Variants in IL31RA observed in about 807,000 individuals in gnomAD.
IL31RA encodes the protein interleukin-31 receptor subunit alpha.
In IL31RA, 66 loss-of-function variants were observed where a neutral mutation model predicts 83.7. That is an observed-to-expected ratio of 0.79 (90% CI 0.65 to 0.97). The LOEUF is 0.97. Ranked by LOEUF, IL31RA falls within the 50% of genes least tolerant of loss-of-function variation. The pLI, the probability that IL31RA is intolerant of heterozygous loss-of-function variation, is 0.00. For missense variants in IL31RA, 798 were observed against 919.4 expected (o/e 0.87, Z 1.71); for synonymous variants, 325 against 329.0 (o/e 0.99, Z 0.13).
Position 55,914,941 on chromosome 5 carries a change from GT to G in IL31RA, c.1818+18del. 6.3e-7 allele frequency: 1 copy of G among 1,585,144 alleles called. No homozygotes were observed. Among genetic ancestry groups the G allele is most frequent in the Non-Finnish European group, 8.7e-7 (1 of 1,153,458 alleles). ...AGATGATTTCAAGGTAAACTCTCCT[GT>G]TTTTATTAAGGAAATCATTGCCGTG... On this transcript the variant is annotated intron_variant, in intron 14 of 14. Coordinates refer to ENST00000652347, the MANE Select transcript of IL31RA (RefSeq NM_139017.7).
At position 55,906,244 on chromosome 5, in the gene IL31RA, C is replaced by G; in HGVS notation, c.1208C>G (p.Ser403Cys). Reference protein sequence around the residue: ...PDVDSEPTTLSWESVSQATNW... With the variant: ...PDVDSEPTTLCWESVSQATNW... ...GTGGACTCAGAGCCCACCACCCTTT[C>G]CTGGGAATCTGTGTCTCAGGCCACG... The change falls in exon 9 of 15, where the codon TCC becomes TGC. Residue 403 changes from serine (S) to cysteine (C), a missense_variant. By Grantham distance (112) the Ser-to-Cys change is moderately radical. Transcript: ENST00000652347. 1 of 1,614,162 alleles carries G rather than the reference C, an allele frequency of 6.2e-7. No homozygotes were observed. Among genetic ancestry groups the G allele is most frequent in the Non-Finnish European group, 8.5e-7 (1 of 1,180,010 alleles).
At chr5:55,900,592 A>C (rs1416386626) in intron 8 of IL31RA, among the ~76,000 whole-genome samples, 1 of 152,144 alleles carries the variant, frequency 6.6e-6, no homozygotes, top group African/African-American at 2.4e-5. Flanking sequence ...TCCATTTGTC[A>C]CTATGGAAAA....
intron 7 of IL31RA, among the ~76,000 whole-genome samples, chr5:55,899,128 A>G (rs1004171658): frequency 6.6e-6 from 1 of 152,178 alleles, no homozygotes; most frequent in African/African-American, 2.4e-5. Context: ...GCCTAGACAT[A>G]AAAGTAAAGG....
chr5:55,841,826 A>T, the IL31RA span, among the ~76,000 whole-genome samples: 1 of 152,106 alleles, frequency 6.6e-6, no homozygotes, highest in African/African-American at 2.4e-5. Flanking sequence ...TTGGTGGCTA[A>T]AAAACCACAG....
At chr5:55,871,809 C>T (rs1215976791) in intron 3 of IL31RA, among the ~76,000 whole-genome samples, 2 of 133,956 alleles carry the variant, frequency 1.5e-5, no homozygotes, top group South Asian at 2.2e-4. Context: ...TCAATAAATA[C>T]AGTATGTTAA....
chr5:55,867,201 G>GTT (rs1746174572), intron 2 of IL31RA, among the ~76,000 whole-genome samples: 1 of 94,558 alleles, frequency 1.1e-5, no homozygotes, highest in African/African-American at 4.9e-5. Context: ...GTGTGTGTTT[G>GTT]TGTGTGTGCG....
At chr5:55,913,865 CTG>C (rs1409988049) in intron 13 of IL31RA, among the ~76,000 whole-genome samples, 1 of 152,194 alleles carries the variant, frequency 6.6e-6, no homozygotes, top group Non-Finnish European at 1.5e-5. Flanking sequence ...CCATCTGAGA[CTG>C]GAGTTGGAGA....
At chr5:55,859,098 T>C (rs1223294751) in intron 1 of IL31RA, among the ~76,000 whole-genome samples, 1 of 152,204 alleles carries the variant, frequency 6.6e-6, no homozygotes, top group African/African-American at 2.4e-5. Context: ...AGGAGCACTG[T>C]GGGCATGCAT....
chr5:55,867,389 A>T (rs572214114), intron 2 of IL31RA, among the ~76,000 whole-genome samples: 46 of 152,132 alleles, frequency 3.0e-4, no homozygotes, highest in African/African-American at 1.1e-3. Flanking sequence ...GCTGATTCTC[A>T]AAACAATGTT....
In IL31RA at chr5:55,899,938, T is replaced by C. The variant is rs776763706; in HGVS notation, c.875T>C (p.Leu292Pro). 1 of 1,614,182 alleles carries C rather than the reference T, an allele frequency of 6.2e-7. No homozygotes were observed. The highest frequency in any genetic ancestry group is 2.2e-5 in the East Asian group (1 of 44,888). ...LWKKARGAPV[L>P]EKTLGYNIWY... The stretch of plus-strand genomic sequence containing the variant: ...CAGAAGGCAAGAGGAGCCCCAGTCC[T>C]AGAGAAAACACTTGGCTACAACATA... The change falls in exon 8 of 15, where the codon CTA becomes CCA. Residue 292 changes from leucine (L) to proline (P), a missense_variant. Physicochemically the swap from Leu to Pro is moderately conservative, Grantham distance 98. Coordinates refer to ENST00000652347, the MANE Select transcript of IL31RA (RefSeq NM_139017.7).
In IL31RA at chr5:55,883,124, C is replaced by G. The variant is rs375990876; in HGVS notation, c.535C>G (p.Pro179Ala). ...AATGATTCAAATTGAATGGATAAAG[C>G]CTGAGTTGGCGCCTGTTTCATCTGA... is the stretch of plus-strand genomic sequence containing the variant. ...KRMIQIEWIK[P>A]ELAPVSSDLK... Residue 179 changes from proline (P) to alanine (A), a missense_variant, in exon 5 of 15, where the codon CCT becomes GCT. By Grantham distance (27) the Pro-to-Ala change is conservative (BLOSUM62 -1). Transcript: ENST00000652347. The G allele has an allele frequency of 1.2e-5, 19 of 1,613,786 alleles. No homozygotes were observed. The African/African-American group carries it at 1.2e-4, about 10-fold the overall frequency.
At chr5:55,842,329 A>G in the IL31RA span, among the ~76,000 whole-genome samples, 5 of 152,204 alleles carry the variant, frequency 3.3e-5, no homozygotes, top group Admixed American at 3.3e-4. Flanking sequence ...AAGTAAGGTC[A>G]TATTAGGGTA....
At chr5:55,877,275 T>C (rs1056975567) in intron 4 of IL31RA, among the ~76,000 whole-genome samples, 24 of 152,228 alleles carry the variant, frequency 1.6e-4, no homozygotes, top group Non-Finnish European at 1.0e-4. Context: ...TTTTATGTCA[T>C]TGATGTCACA....
At chr5:55,864,829 A>G (rs991631777) in intron 2 of IL31RA, among the ~76,000 whole-genome samples, 1 of 150,976 alleles carries the variant, frequency 6.6e-6, no homozygotes, top group Non-Finnish European at 1.5e-5. Flanking sequence ...ATGCACACAT[A>G]CTACACATAC....
intron 5 of IL31RA, among the ~76,000 whole-genome samples, chr5:55,884,193 T>G (rs570325219): frequency 6.6e-6 from 1 of 152,368 alleles, no homozygotes; most frequent in South Asian, 2.1e-4. Context: ...GTCTTTTATT[T>G]GTTACGTGTA....
In IL31RA at chr5:55,916,777, T is replaced by G. The variant is rs768472003; in HGVS notation, c.1952T>G (p.Ile651Ser). 3.0e-5 allele frequency: 49 copies of G among 1,613,944 alleles called. No homozygotes were observed. The South Asian group carries it at 5.4e-4, about 18-fold the overall frequency. The change falls in exon 15 of 15, where the codon ATT becomes AGT. Residue 651 changes from isoleucine (I) to serine (S), a missense_variant. By Grantham distance (142) the Ile-to-Ser change is moderately radical. Transcript: ENST00000652347. ...AACTTTGGGAATGTTCTGCAAGAAA[T>G]TTTCACAGATGAAGCCAGAACGGGT... ...VVNFGNVLQE[I>S]FTDEARTGQE...
intron 8 of IL31RA, among the ~76,000 whole-genome samples, chr5:55,904,430 G>T (rs1305348022): frequency 6.6e-6 from 1 of 152,204 alleles, no homozygotes; most frequent in African/African-American, 2.4e-5. Context: ...AGCCAGGACT[G>T]GCTGGGTATG....
upstream of IL31RA, among the ~76,000 whole-genome samples, chr5:55,847,254 A>G (rs1360428966): frequency 2.7e-5 from 3 of 112,190 alleles, no homozygotes; most frequent in Non-Finnish European, 4.3e-5. Context: ...AAAATAAATA[A>G]ATAAATAAAT....
chr5:55,852,698 A>G (rs903494492), intron 1 of IL31RA, among the ~76,000 whole-genome samples: 7 of 152,280 alleles, frequency 4.6e-5, no homozygotes, highest in Admixed American at 3.3e-4. Flanking sequence ...TTGTCAGTCC[A>G]TTACAAACGG....
Sources: allele counts gnomAD v4.1 joint callset (sites outside exome capture counted in the v4.1 genomes callset), GRCh38; gene constraint gnomAD v4.1.1; transcripts MANE v1.5; gene names NCBI Gene and HGNC (gene_info 2026-07-23, HGNC 2026-07-21).